Variants in NAPEPLD observed in about 807,000 individuals in gnomAD.
The protein encoded by NAPEPLD is N-acyl-phosphatidylethanolamine-hydrolyzing phospholipase D.
Under a neutral mutation model 38.1 loss-of-function variants are expected in NAPEPLD, and 23 were observed. The observed-to-expected ratio is 0.60, with a 90% CI of 0.43 to 0.86. The LOEUF (loss-of-function observed/expected upper bound fraction) is 0.86. Ranked by LOEUF, NAPEPLD falls within the 40% of genes least tolerant of loss-of-function variation. NAPEPLD has a pLI of 0.00. For missense variants in NAPEPLD, 411 were observed against 476.8 expected (o/e 0.86, Z 1.28); for synonymous variants, 147 against 162.0 (o/e 0.91, Z 0.71).
intron 1 of NAPEPLD, among the ~76,000 whole-genome samples, chr7:103,146,580 C>T (rs912989275): frequency 6.6e-6 from 1 of 152,168 alleles, no homozygotes. Flanking sequence ...GTAGCAGGCA[C>T]AAACTGAGTT....
chr7:103,149,693 A>G (rs1813328688), upstream of NAPEPLD: 1 of 261,448 alleles, frequency 3.8e-6, no homozygotes, highest in Admixed American at 5.9e-5. Context: ...CTCTGCAGGG[A>G]CCCTCCTAAG....
rs1219859836 is a variant in NAPEPLD, at chr7:103,128,718, G to T, written c.59C>A (p.Ala20Glu). The change falls in exon 2 of 5, where the codon GCA becomes GAA. Residue 20 changes from alanine (A) to glutamate (E), a missense_variant. By Grantham distance (107) the Ala-to-Glu change is moderately radical. Coordinates refer to ENST00000465647, the MANE Select transcript of NAPEPLD (RefSeq NM_001122838.3). ...LMTSSQYPKEAVRKRQNSARN... is the reference protein window; with the variant it reads ...LMTSSQYPKEEVRKRQNSARN... ...TGCTGAATTTTGACGTTTTCTTACT[G>T]CTTCTTTAGGATATTGGCTGCTTGT... The T allele has an allele frequency of 1.2e-6, 2 of 1,613,948 alleles. No homozygotes were observed. The highest frequency in any genetic ancestry group is 3.3e-5 in the Admixed American group (2 of 59,990).
At position 103,128,674 on chromosome 7, in the gene NAPEPLD, C is replaced by T; in HGVS notation, c.103G>A (p.Asp35Asn). Residue 35 changes from aspartate to asparagine, a missense_variant, in exon 2 of 5, where the codon GAT becomes AAT. Physicochemically the swap from Asp to Asn is conservative, Grantham distance 23. Transcript: ENST00000465647. ...CTTTTCCTAGAAAACCTAGAAGAAT[C>T]ACTTGCTCCGGAATTCCGTGCTGAA... is the stretch of plus-strand genomic sequence containing the variant. ...QNSARNSGAS[D>N]SSRFSRKSFK... is the part of the protein sequence containing the mutation. 1 of 1,614,164 alleles carries T rather than the reference C, an allele frequency of 6.2e-7. No individual in the cohort carries two copies. The highest frequency in any genetic ancestry group is 1.1e-5 in the South Asian group (1 of 91,088).
chr7:103,104,401 C>G (rs191910382), intron 4 of NAPEPLD, among the ~76,000 whole-genome samples: 6 of 152,122 alleles, frequency 3.9e-5, no homozygotes, highest in African/African-American at 1.4e-4. Context: ...CTGACTTCTA[C>G]GGCACGCACT....
At chr7:103,149,573 C>T, upstream of NAPEPLD, 1 of 1,048,802 alleles carries the variant, frequency 9.5e-7, no homozygotes. Context: ...GCTGCCTCTC[C>T]AGCCCTTACC....
At chr7:103,134,180 T>A (rs1809555333) in intron 1 of NAPEPLD, among the ~76,000 whole-genome samples, 1 of 152,196 alleles carries the variant, frequency 6.6e-6, no homozygotes, top group Non-Finnish European at 1.5e-5. Flanking sequence ...AGTGAAAACA[T>A]TGCTCTTGAT....
intron 3 of NAPEPLD, 155 bp from the exon 4 acceptor site, chr7:103,115,329 T>C (rs1254327625): frequency 3.7e-6 from 2 of 545,994 alleles, no homozygotes; most frequent in East Asian, 6.2e-5. Flanking sequence ...TTGGGGAGGA[T>C]GAGCTAGAAA....
chr7:103,137,282 A>T (rs11765948), intron 1 of NAPEPLD, among the ~76,000 whole-genome samples: 135,927 of 152,204 alleles, frequency 0.89, 62,685 homozygotes, highest in East Asian at 1. Context: ...ACGCAATTTG[A>T]ATCTTTGGGA....
chr7:103,149,344 C>T, upstream of NAPEPLD: 1 of 1,151,360 alleles, frequency 8.7e-7, no homozygotes, highest in Non-Finnish European at 1.1e-6. Flanking sequence ...ACAGAGTCCC[C>T]GCGCAAAGCG....
At chr7:103,149,699 C>T (rs1474979773), upstream of NAPEPLD, 3 of 255,364 alleles carry the variant, frequency 1.2e-5, no homozygotes, top group Admixed American at 6.0e-5. Flanking sequence ...AGGGACCCTC[C>T]TAAGATCAAA....
intron 2 of NAPEPLD, chr7:103,127,297 T>A (rs1808028903): frequency 6.6e-6 from 1 of 152,158 alleles, no homozygotes; most frequent in Non-Finnish European, 1.5e-5. Flanking sequence ...GAAATAAAGT[T>A]ATGGAGGCAA....
At chr7:103,134,812 C>CA (rs1158096996) in intron 1 of NAPEPLD, among the ~76,000 whole-genome samples, 3 of 152,076 alleles carry the variant, frequency 2.0e-5, no homozygotes, top group African/African-American at 7.2e-5. Flanking sequence ...TGTCTCCAAC[C>CA]AAAGAGAGGT....
At chr7:103,108,619 A>G (rs1190513484) in intron 4 of NAPEPLD, among the ~76,000 whole-genome samples, 1 of 152,248 alleles carries the variant, frequency 6.6e-6, no homozygotes, top group Non-Finnish European at 1.5e-5. Flanking sequence ...AACAACCAGT[A>G]TAAGCCACTG....
rs770003766 is a variant in NAPEPLD at position 103,119,880 on chromosome 7, A to G, written c.638T>C (p.Leu213Ser). ...TTTTTGCATCCAGTCAAGGAGACCC[A>G]AAGGCACAAACCATCTCAACTCATT... ...FGNELRWFVP[L>S]GLLDWMQKCG... The change falls in exon 3 of 5, where the codon TTG becomes TCG. Residue 213 changes from leucine to serine, a missense_variant. Coordinates refer to ENST00000465647, the MANE Select transcript of NAPEPLD (RefSeq NM_001122838.3). 8.1e-6 allele frequency: 13 copies of G among 1,614,116 alleles called. No homozygotes were observed. Among genetic ancestry groups the G allele is most frequent in the Non-Finnish European group, 1.1e-5 (13 of 1,180,054 alleles).
chr7:103,102,741 C>A lies in NAPEPLD; in HGVS notation c.*688G>T, dbSNP rs1029195582. On this transcript the variant is annotated 3_prime_UTR_variant, in exon 5 of 5. Coordinates refer to ENST00000465647, the MANE Select transcript of NAPEPLD (RefSeq NM_001122838.3). The stretch of plus-strand genomic sequence containing the variant: ...AATGGTGGTCATGGGTGCATTAATG[C>A]GAAAGAACTGTACACTTAAAAATGG... 6.6e-6 allele frequency: 1 copy of A among 152,260 alleles called. No individual in the cohort carries two copies. Among genetic ancestry groups the A allele is most frequent in the Non-Finnish European group, 1.5e-5 (1 of 68,024 alleles). 9.4% of individuals were successfully genotyped at this position (152,260 alleles called of 1,614,324 possible). A position where few individuals can be genotyped will look rare whatever the true frequency, so the allele number is the denominator to read the frequency against.
At chr7:103,141,369 C>T in intron 1 of NAPEPLD, 1 of 765,808 alleles carries the variant, frequency 1.3e-6, no homozygotes, top group Admixed American at 1.7e-5. Flanking sequence ...GTCTCTTCCT[C>T]CTTGGACAAA....
At chr7:103,143,075 A>AAG (rs141176948) in intron 1 of NAPEPLD, among the ~76,000 whole-genome samples, 1 of 149,198 alleles carries the variant, frequency 6.7e-6, no homozygotes, top group African/African-American at 2.5e-5. Context: ...AAAAAAACAA[A>AAG]AAAACAAAAA....
At chr7:103,119,448 C>T (rs1364870929) in intron 3 of NAPEPLD, 129 bp downstream of exon 3, 1 of 876,218 alleles carries the variant, frequency 1.1e-6, no homozygotes, top group East Asian at 2.8e-5. Flanking sequence ...CTACCAACCC[C>T]CAATCATGTA....
intron 1 of NAPEPLD, among the ~76,000 whole-genome samples, chr7:103,130,830 C>T (rs2129531271): frequency 6.6e-6 from 1 of 152,248 alleles, no homozygotes; most frequent in East Asian, 1.9e-4. Flanking sequence ...CTCCTGGGCT[C>T]AAGCAATCTG....
Sources: allele counts gnomAD v4.1 joint callset (sites outside exome capture counted in the v4.1 genomes callset), GRCh38; gene constraint gnomAD v4.1.1; transcripts MANE v1.5; gene names NCBI Gene and HGNC (gene_info 2026-07-23, HGNC 2026-07-21).